Variants in DLG2 observed in about 807,000 individuals in gnomAD.
The protein encoded by DLG2 is discs large MAGUK scaffold protein 2.
DLG2 carries 45 observed loss-of-function variants against 132.5 expected under a neutral mutation model. The ratio of observed to expected loss-of-function variants is 0.34; its 90% confidence interval spans 0.27 to 0.44. DLG2 has a LOEUF of 0.44. DLG2 is among the 20% of genes least tolerant of loss of function. The pLI is 1.00. For synonymous variants in DLG2, 424 were observed against 419.6 expected (o/e 1.01, Z -0.13); for missense variants, 1,045 against 1,196.9 (o/e 0.87, Z 1.87).
chr11:83,555,998 G>T (rs569402984), intron 19 of DLG2, among the ~76,000 whole-genome samples: 1 of 152,222 alleles, frequency 6.6e-6, no homozygotes, highest in Admixed American at 6.5e-5. Flanking sequence ...TAACACCAGG[G>T]TGTCCCGAAC....
intron 18 of DLG2, among the ~76,000 whole-genome samples, chr11:83,688,265 T>C (rs1236141507): frequency 6.6e-6 from 1 of 152,224 alleles, no homozygotes; most frequent in Non-Finnish European, 1.5e-5. Flanking sequence ...ATAGATTTCC[T>C]AGTTTTCAGT....
chr11:84,751,563 T>C (rs950561537), intron 6 of DLG2, among the ~76,000 whole-genome samples: 1 of 152,122 alleles, frequency 6.6e-6, no homozygotes, highest in Admixed American at 6.6e-5. Flanking sequence ...CAGCCACAAT[T>C]TCCTGGGCAT....
At chr11:85,620,908 C>T (rs930856962) in intron 2 of DLG2, among the ~76,000 whole-genome samples, 21 of 152,218 alleles carry the variant, frequency 1.4e-4, no homozygotes, top group African/African-American at 4.6e-4. Context: ...GGCTAAACAA[C>T]AGATTTTCAA....
At chr11:85,253,945 C>T (rs2076534097) in intron 4 of DLG2, among the ~76,000 whole-genome samples, 1 of 152,170 alleles carries the variant, frequency 6.6e-6, no homozygotes, top group African/African-American at 2.4e-5. Context: ...CACTTCTCTC[C>T]AACATCCAGC....
intron 4 of DLG2, among the ~76,000 whole-genome samples, chr11:85,266,200 A>G (rs1367739223): frequency 6.6e-6 from 1 of 152,188 alleles, no homozygotes; most frequent in Non-Finnish European, 1.5e-5. Context: ...GCCTGCATGG[A>G]ATTTGCTCCT....
intron 3 of DLG2, among the ~76,000 whole-genome samples, chr11:85,483,251 G>A (rs2093341244): frequency 6.6e-6 from 1 of 152,148 alleles, no homozygotes; most frequent in East Asian, 1.9e-4. Flanking sequence ...TTCCAATAAG[G>A]CTAGCAACAA....
At chr11:84,725,279 T>C (rs1408152401) in intron 6 of DLG2, among the ~76,000 whole-genome samples, 1 of 152,192 alleles carries the variant, frequency 6.6e-6, no homozygotes, top group Admixed American at 6.5e-5. Flanking sequence ...GAGAGAATTC[T>C]TCCTTATGAC....
intron 18 of DLG2, among the ~76,000 whole-genome samples, chr11:83,660,729 G>C (rs71465550): frequency 0.013 from 1,926 of 152,288 alleles, 16 homozygotes; most frequent in South Asian, 0.039. Context: ...GACAGAAGGA[G>C]AAAGACTTGA....
chr11:84,344,916 A>G (rs2098532438), intron 7 of DLG2, among the ~76,000 whole-genome samples: 1 of 152,182 alleles, frequency 6.6e-6, no homozygotes, highest in Admixed American at 6.5e-5. Flanking sequence ...ATAGAGGGTA[A>G]AACACATGAT....
intron 3 of DLG2, among the ~76,000 whole-genome samples, chr11:85,508,150 A>G (rs1422391357): frequency 6.6e-6 from 1 of 152,136 alleles, no homozygotes; most frequent in Non-Finnish European, 1.5e-5. Flanking sequence ...ATGGGTTCAA[A>G]TATCCTCCTT....
intron 6 of DLG2, among the ~76,000 whole-genome samples, chr11:84,665,663 C>A (rs1211976759): frequency 6.6e-6 from 1 of 152,122 alleles, no homozygotes; most frequent in Non-Finnish European, 1.5e-5. Context: ...TCTATAAGGG[C>A]ATAACATTTT....
intron 7 of DLG2, among the ~76,000 whole-genome samples, chr11:84,415,907 G>T (rs1601730957): frequency 6.6e-6 from 1 of 152,096 alleles, no homozygotes; most frequent in Admixed American, 6.6e-5. Flanking sequence ...TTTGCCTAGG[G>T]TGCCACGTAT....
chr11:83,628,227 C>T (rs1382704708), intron 19 of DLG2, among the ~76,000 whole-genome samples: 5 of 152,140 alleles, frequency 3.3e-5, no homozygotes, highest in African/African-American at 1.2e-4. Context: ...AATTAGATCC[C>T]ATTTGTCAAT....
chr11:84,534,874 C>A, intron 6 of DLG2, 143 bp from the exon 7 acceptor site: 1 of 946,038 alleles, frequency 1.1e-6, no homozygotes, highest in African/African-American at 1.6e-5. Flanking sequence ...GCTGCAGACT[C>A]TTCTGGCGGT....
intron 6 of DLG2, among the ~76,000 whole-genome samples, chr11:84,868,858 A>G (rs2085037178): frequency 1.3e-5 from 2 of 152,254 alleles, no homozygotes; most frequent in Admixed American, 1.3e-4. Context: ...GGCATATAGT[A>G]CAAGCAAATA....
intron 3 of DLG2, among the ~76,000 whole-genome samples, chr11:85,387,955 G>C (rs2086484831): frequency 6.6e-6 from 1 of 152,186 alleles, no homozygotes; most frequent in African/African-American, 2.4e-5. Context: ...CAGACCATTT[G>C]AAGGAGGTGG....
chr11:85,424,613 G>C (rs114415944), intron 3 of DLG2, among the ~76,000 whole-genome samples: 2,174 of 152,286 alleles, frequency 0.014, 52 homozygotes, highest in African/African-American at 0.05. Flanking sequence ...GTAGATCCCA[G>C]GGGTTAGGCA....
rs573161302 is a variant in DLG2 at position 85,043,502 on chromosome 11, A to C, written c.357+68159T>G. ...TTAACAAGGAAGCCAGCATCATTAT[A>C]AATACATAACAACAGAAGATCAACA... On this transcript the variant is annotated intron_variant, in intron 6 of 27. Coordinates refer to ENST00000376104, the MANE Select transcript of DLG2 (RefSeq NM_001142699.3). Among the ~76,000 whole-genome samples, 4 of 152,010 alleles carry C rather than the reference A, an allele frequency of 2.6e-5. No individual in the cohort carries two copies. The South Asian group carries it at 8.3e-4, about 32-fold the overall frequency.
chr11:83,577,405 T>C (rs1410234487), intron 19 of DLG2, among the ~76,000 whole-genome samples: 1 of 145,426 alleles, frequency 6.9e-6, no homozygotes, highest in Non-Finnish European at 1.5e-5. Context: ...GAGATATATA[T>C]CTTATTAGTT....
Sources: allele counts gnomAD v4.1 joint callset (sites outside exome capture counted in the v4.1 genomes callset), GRCh38; gene constraint gnomAD v4.1.1; transcripts MANE v1.5; gene names NCBI Gene and HGNC (gene_info 2026-07-23, HGNC 2026-07-21).